Variants in VPS13B observed in about 807,000 individuals in gnomAD.
The protein encoded by VPS13B is intermembrane lipid transfer protein VPS13B.
VPS13B carries 285 observed loss-of-function variants against 426.4 expected under a neutral mutation model. The observed-to-expected ratio is 0.67, with a 90% CI of 0.61 to 0.74. The LOEUF (loss-of-function observed/expected upper bound fraction) is 0.74. Ranked by LOEUF, VPS13B falls within the 30% of genes least tolerant of loss-of-function variation. The pLI is 0.00. For missense variants in VPS13B, 4,537 were observed against 4,782.6 expected (o/e 0.95, Z 1.51); for synonymous variants, 1,676 against 1,676.4 (o/e 1.00, Z 0.01).
intron 59 of VPS13B, among the ~76,000 whole-genome samples, chr8:99,868,696 A>G (rs1466803498): frequency 6.6e-6 from 1 of 152,224 alleles, no homozygotes; most frequent in Non-Finnish European, 1.5e-5. Flanking sequence ...TTTACAGTAC[A>G]CTTGATAGAC....
At chr8:99,234,059 A>T in intron 17 of VPS13B, 1 of 776,138 alleles carries the variant, frequency 1.3e-6, no homozygotes. Context: ...CGCAGCGGGA[A>T]ATCAGTCTGT....
In VPS13B at chr8:99,478,638, G is replaced by A. The variant is rs568199328; in HGVS notation, c.3667-2961G>A. On this transcript the variant is annotated intron_variant, in intron 24 of 61. Transcript: ENST00000357162. ...AATTTTTTGTATTTTTAGTACAGAC[G>A]GCGTTTCACCATGTTGGCCAGGCTG... Among the ~76,000 whole-genome samples the A allele has an allele frequency of 1.1e-4, 17 of 150,978 alleles. 1 individual carries two copies. In the East Asian group the frequency reaches 1.8e-3, roughly 16 times the overall value.
chr8:99,817,487 C>A, intron 44 of VPS13B, 53 bp from the exon 45 acceptor site: 1 of 1,595,766 alleles, frequency 6.3e-7, no homozygotes, highest in Non-Finnish European at 8.6e-7. Context: ...TAACATATTT[C>A]CAGTTAATGA....
Position 99,149,035 on chromosome 8 carries a change from G to A in VPS13B, c.2013+1025G>A, listed in dbSNP as rs551959166. Among the ~76,000 whole-genome samples, 24 of 152,328 alleles carry A rather than the reference G, an allele frequency of 1.6e-4. No individual in the cohort carries two copies. In the South Asian group the frequency reaches 4.8e-3, roughly 30 times the overall value. On this transcript the variant is annotated intron_variant, in intron 14 of 61. Coordinates refer to ENST00000357162, the MANE Select transcript of VPS13B (RefSeq NM_152564.5). ...CACATATGATCCTTTGTTTTTAGAG[G>A]ATCACAGGATATTCTACCAAGGTCT...
At chr8:99,431,380 T>A in intron 21 of VPS13B, 157 bp from the exon 22 acceptor site, 3 of 1,025,338 alleles carry the variant, frequency 2.9e-6, no homozygotes, top group Non-Finnish European at 4.2e-6. Flanking sequence ...CAAAAATCAG[T>A]TCTATAAGAG....
intron 19 of VPS13B, among the ~76,000 whole-genome samples, chr8:99,365,057 A>G (rs1812778306): frequency 6.6e-6 from 1 of 151,808 alleles, no homozygotes; most frequent in African/African-American, 2.4e-5. Flanking sequence ...TTTCTAATTT[A>G]TTGTTATATA....
rs186415241 is a variant in VPS13B, at chr8:99,082,270, G to A, written c.292-14042G>A. Among the ~76,000 whole-genome samples, 799 of 152,298 alleles carry A rather than the reference G, an allele frequency of 5.2e-3. 12 individuals carry two copies. Among genetic ancestry groups the A allele is most frequent in the Admixed American group, 0.047 (723 of 15,288 alleles). ...CTGCATAAATGTCTTCTTTTGATAA[G>A]TGTCTGTTCATATCCTTTGCCCACT... On this transcript the variant is annotated intron_variant, in intron 3 of 61. Coordinates refer to ENST00000357162, the MANE Select transcript of VPS13B (RefSeq NM_152564.5).
intron 19 of VPS13B, among the ~76,000 whole-genome samples, chr8:99,318,115 C>G (rs1421582448): frequency 6.6e-6 from 1 of 152,116 alleles, no homozygotes. Flanking sequence ...ACTGCCTTTG[C>G]AAATTAAGCA....
intron 12 of VPS13B, 135 bp downstream of exon 12, chr8:99,136,887 A>G: frequency 1.2e-6 from 1 of 831,974 alleles, no homozygotes; most frequent in Non-Finnish European, 2.0e-6. Context: ...GAGTGGTTTA[A>G]TTTTAACATC....
intron 17 of VPS13B, among the ~76,000 whole-genome samples, chr8:99,196,815 T>C (rs1813964180): frequency 6.6e-6 from 1 of 152,178 alleles, no homozygotes; most frequent in South Asian, 2.1e-4. Context: ...ACAATGCCTT[T>C]TCTTTCTTCC....
At chr8:99,531,612 AT>A (rs1223809923) in intron 30 of VPS13B, among the ~76,000 whole-genome samples, 8 of 152,098 alleles carry the variant, frequency 5.3e-5, no homozygotes, top group Admixed American at 1.3e-4. Context: ...GTGGTAAAAA[AT>A]ATTGGTTTTA....
At chr8:99,146,773 A>G (rs968478769) in intron 13 of VPS13B, among the ~76,000 whole-genome samples, 1 of 152,068 alleles carries the variant, frequency 6.6e-6, no homozygotes, top group Non-Finnish European at 1.5e-5. Context: ...AAGTCTTACT[A>G]TGTTGCCCAG....
rs1830300715 is a variant in VPS13B at position 99,662,968 on chromosome 8, G to T, written c.6046+1477G>T. ...AGCTACTCTGGAGGCTGAGGCACAA[G>T]AATTGCTTGAACTGGGAGGCAAAGG... On this transcript the variant is annotated intron_variant, in intron 35 of 61. Coordinates refer to ENST00000357162, the MANE Select transcript of VPS13B (RefSeq NM_152564.5). Among the ~76,000 whole-genome samples, 3 of 152,126 alleles carry T rather than the reference G, an allele frequency of 2.0e-5. No individual in the cohort carries two copies. In the South Asian group the frequency reaches 6.2e-4, roughly 32 times the overall value.
intron 21 of VPS13B, among the ~76,000 whole-genome samples, chr8:99,409,043 A>G (rs1397591805): frequency 6.6e-6 from 1 of 152,230 alleles, no homozygotes; most frequent in Non-Finnish European, 1.5e-5. Context: ...AGGAAAGTCC[A>G]TTACTGAGTC....
In VPS13B at chr8:99,131,516, G is replaced by C. The variant is rs568239001; in HGVS notation, c.1207-3116G>C. ...TGGTTCCATACCACCACAATAAAGC[G>C]AATATAGCAATAAAGCGAGTCACAG... is the stretch of plus-strand genomic sequence containing the variant. On this transcript the variant is annotated intron_variant, in intron 8 of 61. Transcript: ENST00000357162. Among the ~76,000 whole-genome samples the C allele has an allele frequency of 5.9e-5, 9 of 152,208 alleles. No homozygotes were observed. The South Asian group carries it at 6.2e-4, about 11-fold the overall frequency.
chr8:99,496,082 G>A lies in VPS13B; in HGVS notation c.3871-5605G>A, dbSNP rs1336244029. Among the ~76,000 whole-genome samples the A allele has an allele frequency of 3.9e-5, 6 of 152,070 alleles. No individual in the cohort carries two copies. In the East Asian group the frequency reaches 7.7e-4, roughly 20 times the overall value. On this transcript the variant is annotated intron_variant, in intron 25 of 61. Coordinates refer to ENST00000357162, the MANE Select transcript of VPS13B (RefSeq NM_152564.5). ...AAATTTAGCCCATAGTTGGATTACC[G>A]TTACTCACAGACAACTTTGTATTAT... is the stretch of plus-strand genomic sequence containing the variant.
intron 29 of VPS13B, among the ~76,000 whole-genome samples, chr8:99,519,018 A>AT (rs1299657881): frequency 2.0e-5 from 3 of 152,320 alleles, no homozygotes; most frequent in Non-Finnish European, 2.9e-5. Context: ...TATTGTTAAC[A>AT]TTTTTTAAAC....
intron 19 of VPS13B, among the ~76,000 whole-genome samples, chr8:99,361,817 TATG>T (rs1812577839): frequency 6.6e-6 from 1 of 152,198 alleles, no homozygotes; most frequent in African/African-American, 2.4e-5. Context: ...TAATGATGAT[TATG>T]ATAATAATGA....
At chr8:99,169,895 G>A in intron 15 of VPS13B, 144 bp from the exon 16 acceptor site, 1 of 949,994 alleles carries the variant, frequency 1.1e-6, no homozygotes, top group African/African-American at 1.6e-5. Flanking sequence ...AGAAGAAAAT[G>A]TTGATCGTTT....
Sources: gnomAD v4.1 joint callset for allele counts (sites outside exome capture counted in the v4.1 genomes callset) on GRCh38, gnomAD v4.1.1 for gene constraint, MANE v1.5 for transcripts, NCBI Gene and HGNC (gene_info 2026-07-23, HGNC 2026-07-21) for gene names.